DCC: variants seen among roughly 807,000 people sequenced by gnomAD.
DCC encodes the protein netrin receptor DCC.
In DCC, 58 loss-of-function variants were observed where a neutral mutation model predicts 172.5. The ratio of observed to expected loss-of-function variants is 0.34; its 90% CI spans 0.27 to 0.42. The LOEUF is 0.42. DCC is among the 10% of genes least tolerant of loss of function. The pLI, the probability that DCC is intolerant of heterozygous loss-of-function variation, is 1.00. For missense variants in DCC, 1,740 were observed against 1,791.0 expected, an observed-to-expected ratio of 0.97 and a Z score of 0.51; for synonymous variants, 709 against 644.5, an observed-to-expected ratio of 1.10 and a Z score of -1.52.
chr18:52,778,372 A>G (rs1006707951), intron 2 of DCC, among the ~76,000 whole-genome samples: 1 of 152,140 alleles, frequency 6.6e-6, no homozygotes, highest in African/African-American at 2.4e-5. Context: ...AGAATTTTTT[A>G]ATTTTTTGCA....
intron 1 of DCC, among the ~76,000 whole-genome samples, chr18:52,613,922 G>T (rs1424037251): frequency 2.6e-5 from 4 of 152,162 alleles, no homozygotes; most frequent in African/African-American, 9.7e-5. Context: ...CACTAGAAAA[G>T]AATTATTAGA....
chr18:53,138,147 G>T (rs1355792566), intron 7 of DCC, among the ~76,000 whole-genome samples: 2 of 151,910 alleles, frequency 1.3e-5, no homozygotes, highest in Admixed American at 1.3e-4. Flanking sequence ...TTTAAAATCT[G>T]GTCTAATTTA....
chr18:53,381,560 A>ACCCCCCCC (rs747015453), intron 15 of DCC, among the ~76,000 whole-genome samples: 60 of 93,446 alleles, frequency 6.4e-4, no homozygotes, highest in African/African-American at 9.2e-4. Context: ...TTTACCCCCC[A>ACCCCCCCC]CCCCCCCCCC....
intron 5 of DCC, among the ~76,000 whole-genome samples, chr18:52,930,189 T>A (rs778686690): frequency 5.3e-5 from 8 of 152,110 alleles, no homozygotes; most frequent in Non-Finnish European, 1.2e-4. Context: ...GATCTCAAAC[T>A]CCTGGGCTGA....
At chr18:52,519,898 A>G (rs1260590727) in intron 1 of DCC, among the ~76,000 whole-genome samples, 1 of 152,194 alleles carries the variant, frequency 6.6e-6, no homozygotes, top group African/African-American at 2.4e-5. Context: ...AATGAAAAAG[A>G]TGGACTGGAG....
intron 15 of DCC, among the ~76,000 whole-genome samples, chr18:53,345,427 G>A (rs1366986237): frequency 2.0e-5 from 3 of 152,038 alleles, no homozygotes; most frequent in East Asian, 1.9e-4. Context: ...ATTGTCATAT[G>A]TATTACATGT....
chr18:53,013,095 A>G (rs2041754196), intron 5 of DCC, among the ~76,000 whole-genome samples: 1 of 152,176 alleles, frequency 6.6e-6, no homozygotes, highest in African/African-American at 2.4e-5. Flanking sequence ...GGACTCAGAG[A>G]AATAAGAACA....
chr18:53,355,074 C>T (rs1176712022), intron 15 of DCC, among the ~76,000 whole-genome samples: 3 of 152,010 alleles, frequency 2.0e-5, no homozygotes, highest in Non-Finnish European at 4.4e-5. Flanking sequence ...TGTCTAAGAT[C>T]AGATGGTTGT....
chr18:53,220,421 G>A (rs1260034772), intron 12 of DCC, among the ~76,000 whole-genome samples: 1 of 152,066 alleles, frequency 6.6e-6, no homozygotes, highest in Non-Finnish European at 1.5e-5. Flanking sequence ...GCAGCCCATG[G>A]AAAAACATGC....
At chr18:53,416,068 G>A (rs992188587) in intron 20 of DCC, 56 bp from the exon 21 acceptor site, 28 of 1,345,814 alleles carry the variant, frequency 2.1e-5, no homozygotes, top group Admixed American at 1.2e-4. Context: ...TGATATGTCA[G>A]CTTTCTTGCT....
chr18:53,286,915 A>G (rs1222383694), intron 12 of DCC, among the ~76,000 whole-genome samples: 1 of 152,188 alleles, frequency 6.6e-6, no homozygotes, highest in Non-Finnish European at 1.5e-5. Flanking sequence ...AAGACTGGCA[A>G]TATACTGAGA....
chr18:52,835,774 A>G (rs527913404), intron 2 of DCC, among the ~76,000 whole-genome samples: 208 of 152,344 alleles, frequency 1.4e-3, no homozygotes, highest in Non-Finnish European at 2.1e-3. Flanking sequence ...CAAAAGTAAC[A>G]TTTATTGACA....
intron 5 of DCC, among the ~76,000 whole-genome samples, chr18:52,959,562 C>T (rs1388284896): frequency 6.6e-6 from 1 of 152,034 alleles, no homozygotes; most frequent in Non-Finnish European, 1.5e-5. Flanking sequence ...CTCCCTTCCT[C>T]CCCACTTTTT....
chr18:52,859,141 A>T (rs1157739463), intron 2 of DCC, among the ~76,000 whole-genome samples: 2 of 152,098 alleles, frequency 1.3e-5, no homozygotes, highest in African/African-American at 2.4e-5. Context: ...TGCAAAAAAA[A>T]AATTAAAATT....
At chr18:52,546,538 T>A (rs2144714389) in intron 1 of DCC, among the ~76,000 whole-genome samples, 1 of 152,204 alleles carries the variant, frequency 6.6e-6, no homozygotes, top group African/African-American at 2.4e-5. Context: ...CCTAGCATGG[T>A]AACAGGATGA....
At chr18:52,412,958 A>G (rs1252440631) in intron 1 of DCC, among the ~76,000 whole-genome samples, 2 of 152,148 alleles carry the variant, frequency 1.3e-5, no homozygotes, top group African/African-American at 4.8e-5. Context: ...TAGGATTGTT[A>G]CTATGCATTT....
chr18:52,686,227 C>T (rs1433764216), intron 1 of DCC, among the ~76,000 whole-genome samples: 1 of 151,392 alleles, frequency 6.6e-6, no homozygotes, highest in East Asian at 1.9e-4. Flanking sequence ...ACACTTAACA[C>T]TTACTCCTGT....
chr18:53,459,709 A>G (rs2045527752), intron 24 of DCC, among the ~76,000 whole-genome samples: 1 of 152,172 alleles, frequency 6.6e-6, no homozygotes, highest in South Asian at 2.1e-4. Context: ...TGAGGTTGGA[A>G]GTAGGACAGT....
intron 25 of DCC, among the ~76,000 whole-genome samples, chr18:53,483,893 G>A (rs1321586210): frequency 6.6e-6 from 1 of 151,384 alleles, no homozygotes; most frequent in Non-Finnish European, 1.5e-5. Context: ...GTTGCTTATT[G>A]CATTAATTCT....
Sources: allele counts gnomAD v4.1 joint callset (sites outside exome capture counted in the v4.1 genomes callset), GRCh38; gene constraint gnomAD v4.1.1; transcripts MANE v1.5; gene names NCBI Gene and HGNC (gene_info 2026-07-23, HGNC 2026-07-21).